Variants in AGMO observed in about 807,000 individuals in gnomAD.
AGMO encodes the protein alkylglycerol monooxygenase.
Under a neutral mutation model 60.2 loss-of-function variants are expected in AGMO, and 75 were observed. That is an observed-to-expected ratio of 1.25 (90% CI 1.03 to 1.51). The LOEUF (loss-of-function observed/expected upper bound fraction) is 1.51. AGMO is among the 40% of genes most tolerant of loss of function. The probability of loss-of-function intolerance (pLI) is 0.00; values close to 1 mark genes in which losing one functional copy is unlikely to be tolerated. For missense variants in AGMO, 763 were observed against 525.5 expected (o/e 1.45, Z -4.42); for synonymous variants, 261 against 177.1 (o/e 1.47, Z -3.76).
chr7:15,148,871 A>C, the AGMO span, among the ~76,000 whole-genome samples: 5 of 152,038 alleles, frequency 3.3e-5, no homozygotes, highest in African/African-American at 1.2e-4. Context: ...TGGTGGTTCT[A>C]TTTCTTTGAG....
chr7:15,173,323 C>T, the AGMO span, among the ~76,000 whole-genome samples: 1 of 151,904 alleles, frequency 6.6e-6, no homozygotes, highest in Non-Finnish European at 1.5e-5. Context: ...AAACAAAGCC[C>T]AAAGAAATGG....
chr7:15,304,654 A>C (rs964642210), intron 12 of AGMO, among the ~76,000 whole-genome samples: 2 of 151,974 alleles, frequency 1.3e-5, no homozygotes, highest in Admixed American at 1.3e-4. Context: ...CCTGATTCGT[A>C]CTTTATAGGG....
At chr7:15,352,489 T>A (rs1782281877) in intron 12 of AGMO, among the ~76,000 whole-genome samples, 1 of 147,038 alleles carries the variant, frequency 6.8e-6, no homozygotes, top group Non-Finnish European at 1.5e-5. Context: ...AAAGGAAGAA[T>A]AATGAGCAGC....
chr7:15,137,224 CT>C, the AGMO span, among the ~76,000 whole-genome samples: 1 of 152,152 alleles, frequency 6.6e-6, no homozygotes, highest in Non-Finnish European at 1.5e-5. Flanking sequence ...CTCTAGAAAG[CT>C]TTGCATATTC....
intron 12 of AGMO, among the ~76,000 whole-genome samples, chr7:15,318,338 T>C (rs1781003421): frequency 6.6e-6 from 1 of 152,142 alleles, no homozygotes; most frequent in South Asian, 2.1e-4. Context: ...CTTGGCATTA[T>C]TCTTTATATG....
intron 12 of AGMO, among the ~76,000 whole-genome samples, chr7:15,279,684 A>C (rs1401801996): frequency 2.0e-5 from 3 of 152,080 alleles, no homozygotes; most frequent in Non-Finnish European, 4.4e-5. Flanking sequence ...CCTTTGAAAG[A>C]AGCAGCAGGC....
chr7:15,474,960 A>C (rs1430375360), intron 3 of AGMO, among the ~76,000 whole-genome samples: 1 of 152,210 alleles, frequency 6.6e-6, no homozygotes, highest in Non-Finnish European at 1.5e-5. Context: ...ATCCCTGGTC[A>C]TTAGAAAAAT....
chr7:15,514,236 C>T (rs556983778), intron 3 of AGMO, among the ~76,000 whole-genome samples: 35 of 152,244 alleles, frequency 2.3e-4, no homozygotes, highest in Admixed American at 1.0e-3. Flanking sequence ...CGGCTTAGCC[C>T]GCTTTTCTTT....
chr7:15,256,462 C>T (rs181535050), intron 12 of AGMO, among the ~76,000 whole-genome samples: 4,835 of 152,234 alleles, frequency 0.032, 112 homozygotes, highest in Middle Eastern at 0.048. Context: ...CCTGCCTCAG[C>T]CTCCCGAGTA....
intron 5 of AGMO, among the ~76,000 whole-genome samples, chr7:15,413,769 C>G (rs1288719200): frequency 6.6e-6 from 1 of 151,910 alleles, no homozygotes; most frequent in Non-Finnish European, 1.5e-5. Context: ...TTAAGGTAGA[C>G]AAAAACTGAA....
intron 3 of AGMO, among the ~76,000 whole-genome samples, chr7:15,462,804 A>C (rs1280387758): frequency 6.6e-6 from 1 of 152,210 alleles, no homozygotes; most frequent in Non-Finnish European, 1.5e-5. Context: ...GAATCCATGC[A>C]AAATAGGGAA....
chr7:15,307,081 T>A (rs1436624917), intron 12 of AGMO, among the ~76,000 whole-genome samples: 1 of 152,058 alleles, frequency 6.6e-6, no homozygotes, highest in Non-Finnish European at 1.5e-5. Flanking sequence ...AATTTTGCAG[T>A]TCACCCATCA....
chr7:15,365,262 T>C (rs1782924965), intron 12 of AGMO, among the ~76,000 whole-genome samples: 1 of 151,328 alleles, frequency 6.6e-6, no homozygotes, highest in Non-Finnish European at 1.5e-5. Flanking sequence ...GGTTGTGTAA[T>C]GTAATGTGTC....
At chr7:15,228,015 C>A (rs1451140284) in intron 12 of AGMO, among the ~76,000 whole-genome samples, 1 of 152,116 alleles carries the variant, frequency 6.6e-6, no homozygotes, top group East Asian at 1.9e-4. Context: ...GCTCTCTGAA[C>A]TTCTACTGGG....
At chr7:15,553,329 AT>A (rs1359135155) in intron 2 of AGMO, among the ~76,000 whole-genome samples, 21 of 151,482 alleles carry the variant, frequency 1.4e-4, no homozygotes, top group South Asian at 4.1e-4. Context: ...AATAAAAAAA[AT>A]AAATAAATAA....
intron 12 of AGMO, among the ~76,000 whole-genome samples, chr7:15,278,714 G>A (rs888699296): frequency 9.2e-5 from 14 of 152,176 alleles, no homozygotes; most frequent in African/African-American, 3.4e-4. Context: ...ATGCAAAGGT[G>A]CCCAGCCTAC....
intron 10 of AGMO, among the ~76,000 whole-genome samples, chr7:15,377,851 A>T (rs1783516442): frequency 6.6e-6 from 1 of 152,026 alleles, no homozygotes; most frequent in Non-Finnish European, 1.5e-5. Flanking sequence ...TATGAAGTCT[A>T]AGCATTTTGG....
intron 2 of AGMO, 61 bp downstream of exon 2, chr7:15,560,080 T>C: frequency 7.1e-7 from 1 of 1,413,988 alleles, no homozygotes; most frequent in Non-Finnish European, 9.4e-7. Context: ...TGGGTTCCTT[T>C]GCCCCTCATA....
At chr7:15,324,261 C>G (rs1015209154) in intron 12 of AGMO, among the ~76,000 whole-genome samples, 1 of 152,112 alleles carries the variant, frequency 6.6e-6, no homozygotes, top group African/African-American at 2.4e-5. Flanking sequence ...AGACAGAAAA[C>G]TGCATCAGTA....
Sources: gnomAD v4.1 joint callset for allele counts (sites outside exome capture counted in the v4.1 genomes callset) on GRCh38, gnomAD v4.1.1 for gene constraint, MANE v1.5 for transcripts, NCBI Gene and HGNC (gene_info 2026-07-23, HGNC 2026-07-21) for gene names.